The following MYT1L variants were observed in gnomAD, a reference collection of about 807,000 sequenced individuals.
MYT1L encodes myelin transcription factor 1-like protein.
A neutral mutation model predicts 126.7 loss-of-function variants in MYT1L; 12 were observed. The ratio of observed to expected loss-of-function variants is 0.09; its 90% CI spans 0.06 to 0.15. The LOEUF is 0.15. Among genes scored for constraint, MYT1L ranks in the 10% least tolerant of loss-of-function variants. MYT1L has a pLI of 1.00. For synonymous variants in MYT1L, 541 were observed against 604.2 expected, an observed-to-expected ratio of 0.90 and a Z score of 1.53; for missense variants, 979 against 1,585.2, an observed-to-expected ratio of 0.62 and a Z score of 6.49.
At position 2,028,317 on chromosome 2, in the gene MYT1L, G is replaced by T. The variant is rs2065854766; in HGVS notation, c.-158+25661C>A. On this transcript the variant is annotated intron_variant, in intron 4 of 24. Coordinates refer to ENST00000647738, the MANE Select transcript of MYT1L (RefSeq NM_001303052.2). Reference sequence around the variant, plus strand: ...GGAAAGAGCAGGAGGCTGTGGGATTGTGGGGTTCATGCCCAGGGACCTCTT... The same window carrying T: ...GGAAAGAGCAGGAGGCTGTGGGATTTTGGGGTTCATGCCCAGGGACCTCTT... Among the ~76,000 whole-genome samples the T allele has an allele frequency of 1.3e-5, 2 of 152,196 alleles. 1 individual carries two copies. The highest frequency in any genetic ancestry group is 4.1e-4 in the South Asian group (2 of 4,834).
chr2:1,945,840 A>G (rs2057162192), intron 8 of MYT1L, among the ~76,000 whole-genome samples: 1 of 152,200 alleles, frequency 6.6e-6, no homozygotes, highest in South Asian at 2.1e-4. Context: ...TTGGAAACTA[A>G]TGATTGTCCT....
At chr2:2,267,022 T>C (rs2095148627) in intron 2 of MYT1L, among the ~76,000 whole-genome samples, 1 of 152,200 alleles carries the variant, frequency 6.6e-6, no homozygotes, top group Admixed American at 6.5e-5. Context: ...TGGAGAGTGC[T>C]TCAGCACAGG....
intron 1 of MYT1L, among the ~76,000 whole-genome samples, chr2:2,299,699 T>C (rs150350537): frequency 6.6e-6 from 1 of 152,336 alleles, no homozygotes; most frequent in Non-Finnish European, 1.5e-5. Flanking sequence ...CACATGTTTT[T>C]CTTCAGCTCT....
chr2:1,940,075 C>T (rs1162106811), intron 9 of MYT1L, among the ~76,000 whole-genome samples: 1 of 152,248 alleles, frequency 6.6e-6, no homozygotes, highest in Non-Finnish European at 1.5e-5. Context: ...TGCCTGGGAT[C>T]TGGGATTCTC....
Position 1,830,579 on chromosome 2 carries a change from C to T in MYT1L, c.3080+8570G>A, listed in dbSNP as rs372564965. On this transcript the variant is annotated intron_variant, in intron 21 of 24. Coordinates refer to ENST00000647738, the MANE Select transcript of MYT1L (RefSeq NM_001303052.2). Reference sequence around the variant, plus strand: ...AGGGAGATGGGGGAAAGGGTATTCTCGGCACCTGGAAGGGCTCACAGGGAG... The same window carrying T: ...AGGGAGATGGGGGAAAGGGTATTCTTGGCACCTGGAAGGGCTCACAGGGAG... Among the ~76,000 whole-genome samples the T allele has an allele frequency of 9.6e-5, 14 of 146,376 alleles. No individual in the cohort carries two copies. In the East Asian group the frequency reaches 1.8e-3, roughly 18 times the overall value.
intron 3 of MYT1L, among the ~76,000 whole-genome samples, chr2:2,099,014 G>T: frequency 6.6e-6 from 1 of 152,228 alleles, no homozygotes; most frequent in East Asian, 1.9e-4. Context: ...ACGGAGCACA[G>T]AATGTAGCAC....
At chr2:1,898,850 G>A (rs11127304) in intron 14 of MYT1L, among the ~76,000 whole-genome samples, 19,551 of 152,240 alleles carry the variant, frequency 0.13, 1,453 homozygotes, top group East Asian at 0.3. Flanking sequence ...TGGTGGGGCT[G>A]GAGACAGAGG....
At chr2:2,001,655 T>A (rs927642217) in intron 4 of MYT1L, among the ~76,000 whole-genome samples, 4 of 152,140 alleles carry the variant, frequency 2.6e-5, no homozygotes, top group Non-Finnish European at 4.4e-5. Context: ...GGTACACAAT[T>A]TGGCCATTTT....
At position 2,113,983 on chromosome 2, in the gene MYT1L, A is replaced by G. The variant is rs1173161310; in HGVS notation, c.-304+58889T>C. On this transcript the variant is annotated intron_variant, in intron 3 of 24. Coordinates refer to ENST00000647738, the MANE Select transcript of MYT1L (RefSeq NM_001303052.2). ...TAGTTATGAAAACATTACTGCCTCCATTACACAGATAGGAAAATAGTTATG... is the reference window on the plus strand; with the variant it reads ...TAGTTATGAAAACATTACTGCCTCCGTTACACAGATAGGAAAATAGTTATG... Among the ~76,000 whole-genome samples, 7 of 151,976 alleles carry G rather than the reference A, an allele frequency of 4.6e-5. No individual in the cohort carries two copies. The East Asian group carries it at 1.4e-3, about 29-fold the overall frequency.
chr2:1,822,771 ACCCTCCTCTCCTGTG>A (rs1426451584), intron 21 of MYT1L, among the ~76,000 whole-genome samples: 1 of 68,636 alleles, frequency 1.5e-5, no homozygotes, highest in Non-Finnish European at 2.7e-5. Flanking sequence ...CCACGGTGAA[ACCCTCCTCTCCTGTG>A]AAGGAGCCAC....
In MYT1L at chr2:2,070,270, T is replaced by TC. The variant is rs2074435503; in HGVS notation, c.-303-16148dup. On this transcript the variant is annotated intron_variant, in intron 3 of 24. Coordinates refer to ENST00000647738, the MANE Select transcript of MYT1L (RefSeq NM_001303052.2). ...AAGTTCATATTTCCTGTTAAGGTAA[T>TC]CTACCCCATGTTTCCATTTTGCCAT... Among the ~76,000 whole-genome samples the TC allele has an allele frequency of 2.0e-5, 3 of 152,310 alleles. No homozygotes were observed. The South Asian group carries it at 6.2e-4, about 32-fold the overall frequency.
At chr2:2,295,557 CAGACAGACAGAGAGAGAGAGAGAG>C (rs2095660135) in intron 1 of MYT1L, among the ~76,000 whole-genome samples, 1 of 128,436 alleles carries the variant, frequency 7.8e-6, no homozygotes, top group African/African-American at 3.0e-5. Context: ...GAGAGAGAGA[CAGACAGACAGAGAGAGAGAGAGAG>C]AGACAGACAG....
At chr2:2,201,698 A>AC (rs1491578487) in intron 2 of MYT1L, among the ~76,000 whole-genome samples, 1 of 79,562 alleles carries the variant, frequency 1.3e-5, no homozygotes, top group African/African-American at 7.9e-5. Context: ...ACTCTGCCTC[A>AC]AAAAAAAAAA....
At chr2:1,931,562 G>A (rs1298852850) in intron 9 of MYT1L, among the ~76,000 whole-genome samples, 4 of 152,078 alleles carry the variant, frequency 2.6e-5, no homozygotes, top group Non-Finnish European at 5.9e-5. Flanking sequence ...CTGTGTGGTC[G>A]CTTCTTTGTT....
intron 4 of MYT1L, among the ~76,000 whole-genome samples, chr2:2,032,813 G>A (rs2066499953): frequency 7.9e-6 from 1 of 126,420 alleles, no homozygotes; most frequent in Middle Eastern, 5.4e-3. Context: ...ACCCTCGCCA[G>A]TGCCTCTCAT....
chr2:2,319,281 T>G (rs2096120765), intron 1 of MYT1L: 1 of 152,198 alleles, frequency 6.6e-6, no homozygotes, highest in African/African-American at 2.4e-5. Context: ...GTTCTGTTGT[T>G]GATCTCTGGT....
At chr2:2,025,252 G>A (rs1366394205) in intron 4 of MYT1L, among the ~76,000 whole-genome samples, 1 of 152,136 alleles carries the variant, frequency 6.6e-6, no homozygotes, top group Non-Finnish European at 1.5e-5. Context: ...ACAGCAGCGT[G>A]CCCCGCCTCG....
At chr2:1,904,541 T>C (rs1207576620) in intron 13 of MYT1L, among the ~76,000 whole-genome samples, 1 of 151,624 alleles carries the variant, frequency 6.6e-6, no homozygotes, top group South Asian at 2.1e-4. Flanking sequence ...GCTAATTTTT[T>C]TGCATTTTCA....
intron 2 of MYT1L, among the ~76,000 whole-genome samples, chr2:2,262,489 G>A (rs997758873): frequency 6.6e-6 from 1 of 151,862 alleles, no homozygotes; most frequent in Admixed American, 6.6e-5. Flanking sequence ...TCAGGAGGTC[G>A]AGACCATCCA....
Sources: allele counts gnomAD v4.1 joint callset (sites outside exome capture counted in the v4.1 genomes callset), GRCh38; gene constraint gnomAD v4.1.1; transcripts MANE v1.5; gene names NCBI Gene and HGNC (gene_info 2026-07-23, HGNC 2026-07-21).